Variants in NINL observed in about 807,000 individuals in gnomAD.
NINL encodes ninein like.
A neutral mutation model predicts 160.3 loss-of-function variants in NINL; 153 were observed. The ratio of observed to expected loss-of-function variants is 0.95; its 90% CI spans 0.84 to 1.09. The LOEUF (loss-of-function observed/expected upper bound fraction) is 1.09. NINL is among the 50% of genes least tolerant of loss of function. The pLI is 0.00. For missense variants in NINL, 1,829 were observed against 1,764.0 expected, an observed-to-expected ratio of 1.04 and a Z score of -0.66; for synonymous variants, 800 against 734.8, an observed-to-expected ratio of 1.09 and a Z score of -1.43.
intron 20 of NINL, 42 bp from the exon 21 acceptor site, chr20:25,461,677 A>C: frequency 7.7e-7 from 1 of 1,302,344 alleles, no homozygotes; most frequent in Non-Finnish European, 1.1e-6. Context: ...GAAGTATCTG[A>C]AGAGTCTGGT....
intron 8 of NINL, chr20:25,499,183 C>A: frequency 2.0e-6 from 2 of 985,386 alleles, no homozygotes; most frequent in Non-Finnish European, 2.4e-6. Flanking sequence ...TCCTGAGGAG[C>A]AATGGCATCT....
intron 2 of NINL, among the ~76,000 whole-genome samples, chr20:25,518,084 A>C (rs2064192926): frequency 6.6e-6 from 1 of 152,250 alleles, no homozygotes; most frequent in South Asian, 2.1e-4. Flanking sequence ...CAATTTTGTA[A>C]ATCAAACAAC....
At chr20:25,480,848 A>G (rs1182070881) in intron 14 of NINL, among the ~76,000 whole-genome samples, 1 of 152,176 alleles carries the variant, frequency 6.6e-6, no homozygotes, top group Non-Finnish European at 1.5e-5. Context: ...GTGGGACGTC[A>G]ATGGGGCTAC....
intron 10 of NINL, among the ~76,000 whole-genome samples, chr20:25,494,270 T>G (rs993333375): frequency 7.2e-6 from 1 of 139,292 alleles, no homozygotes; most frequent in Non-Finnish European, 1.5e-5. Flanking sequence ...ACCCCTCTAG[T>G]CCCGGAACAC....
intron 5 of NINL, among the ~76,000 whole-genome samples, chr20:25,507,337 G>A (rs548234179): frequency 6.6e-6 from 1 of 152,040 alleles, no homozygotes; most frequent in East Asian, 1.9e-4. Context: ...AGCGGGCTCA[G>A]GTGGTGGATG....
At chr20:25,522,168 A>G (rs903922299) in intron 2 of NINL, among the ~76,000 whole-genome samples, 1 of 152,220 alleles carries the variant, frequency 6.6e-6, no homozygotes, top group Non-Finnish European at 1.5e-5. Flanking sequence ...TTGGCCTACC[A>G]AAGTACTGGG....
intron 2 of NINL, 144 bp from the exon 3 acceptor site, chr20:25,517,993 C>T (rs568738803): frequency 1.9e-6 from 1 of 534,294 alleles, no homozygotes; most frequent in African/African-American, 2.0e-5. Flanking sequence ...CAAATATTTA[C>T]TTAAGATTTT....
chr20:25,453,265 T>G lies in NINL; in HGVS notation c.*186A>C. 1 of 485,664 alleles carries G rather than the reference T, an allele frequency of 2.1e-6. No individual in the cohort carries two copies. Among genetic ancestry groups the G allele is most frequent in the Non-Finnish European group, 3.5e-6 (1 of 286,996 alleles). 30.1% of individuals were successfully genotyped at this position (485,664 alleles called of 1,614,324 possible). A position where few individuals can be genotyped will look rare whatever the true frequency, so the allele number is the denominator to read the frequency against. On this transcript the variant is annotated 3_prime_UTR_variant, in exon 24 of 24. Transcript: ENST00000278886. ...AACGCCGGCTTCTGCAACATGCATA[T>G]TCCCCCAGCCCCCACCTCCATCTTG...
intron 1 of NINL, among the ~76,000 whole-genome samples, chr20:25,574,841 C>T (rs763154201): frequency 2.6e-5 from 4 of 152,004 alleles, no homozygotes; most frequent in Non-Finnish European, 4.4e-5. Context: ...TCCTAGGAGT[C>T]TTCTTTTTTC....
chr20:25,554,932 C>T (rs2064849991), intron 1 of NINL, among the ~76,000 whole-genome samples: 1 of 152,150 alleles, frequency 6.6e-6, no homozygotes, highest in Admixed American at 6.5e-5. Context: ...CTCCACGGGC[C>T]TGAATATCTT....
chr20:25,486,722 C>T (rs1037985724), intron 13 of NINL, among the ~76,000 whole-genome samples: 6 of 152,156 alleles, frequency 3.9e-5, no homozygotes, highest in African/African-American at 1.4e-4. Context: ...CCACTGAGAA[C>T]ACAAGCTTGG....
intron 1 of NINL, among the ~76,000 whole-genome samples, chr20:25,532,828 T>C (rs2064490592): frequency 6.6e-6 from 1 of 152,068 alleles, no homozygotes; most frequent in African/African-American, 2.4e-5. Flanking sequence ...GGAGGTACTG[T>C]CTCCTCCCAT....
chr20:25,464,314 G>A (rs2146351909), intron 19 of NINL, among the ~76,000 whole-genome samples: 1 of 152,310 alleles, frequency 6.6e-6, no homozygotes, highest in Non-Finnish European at 1.5e-5. Flanking sequence ...CTACTTGGGA[G>A]GCTGAGGCAG....
At chr20:25,495,747 A>G (rs1307697647) in intron 10 of NINL, among the ~76,000 whole-genome samples, 2 of 152,256 alleles carry the variant, frequency 1.3e-5, no homozygotes, top group Non-Finnish European at 2.9e-5. Flanking sequence ...AATGACGTAG[A>G]GAAGCCCCTC....
chr20:25,556,322 T>C (rs1419644412), intron 1 of NINL, among the ~76,000 whole-genome samples: 1 of 152,040 alleles, frequency 6.6e-6, no homozygotes, highest in Non-Finnish European at 1.5e-5. Flanking sequence ...CACAAAAAAC[T>C]TTTATCTATT....
chr20:25,500,931 C>A lies in NINL; in HGVS notation c.941G>T (p.Ser314Ile), dbSNP rs770976734. The change falls in exon 8 of 24, where the codon AGC (serine) becomes ATC (isoleucine). Residue 314 changes from serine to isoleucine, a missense_variant. Coordinates refer to ENST00000278886, the MANE Select transcript of NINL (RefSeq NM_025176.6). Reference sequence around the variant, plus strand: ...AGCGAAGCCAGAACCATCGTCAATGCTGGAGAAGAGGCGCAGGCTGGAGCA... The same window carrying A: ...AGCGAAGCCAGAACCATCGTCAATGATGGAGAAGAGGCGCAGGCTGGAGCA... Reference protein sequence around the residue: ...SLCSSLRLFSSIDDGSGFAFP... With the variant: ...SLCSSLRLFSIIDDGSGFAFP... The A allele has an allele frequency of 3.1e-6, 5 of 1,614,232 alleles. No homozygotes were observed. Among genetic ancestry groups the A allele is most frequent in the Non-Finnish European group, 4.2e-6 (5 of 1,180,044 alleles).
chr20:25,525,438 G>A (rs1366637810), intron 2 of NINL, among the ~76,000 whole-genome samples: 1 of 152,184 alleles, frequency 6.6e-6, no homozygotes, highest in Non-Finnish European at 1.5e-5. Context: ...GATTGCTAGA[G>A]CTCAGGCATT....
chr20:25,485,600 G>A (rs1339017821), intron 13 of NINL, among the ~76,000 whole-genome samples: 5 of 152,134 alleles, frequency 3.3e-5, no homozygotes, highest in Non-Finnish European at 7.4e-5. Flanking sequence ...ATTCATATTT[G>A]GAGAGAGTTT....
chr20:25,528,309 C>G lies in NINL; in HGVS notation c.-11-1711G>C, dbSNP rs145464870. Among the ~76,000 whole-genome samples the G allele has an allele frequency of 1.2e-4, 18 of 152,286 alleles. No homozygotes were observed. The East Asian group carries it at 3.5e-3, about 29-fold the overall frequency. On this transcript the variant is annotated intron_variant, in intron 1 of 23. Transcript: ENST00000278886. ...GCGGCCTCCCAAAGTGCTGGGATTA[C>G]AAGGTGTAAGCCACTGCACCCAGCC...
Sources: allele counts gnomAD v4.1 joint callset (sites outside exome capture counted in the v4.1 genomes callset), GRCh38; gene constraint gnomAD v4.1.1; transcripts MANE v1.5; gene names NCBI Gene and HGNC (gene_info 2026-07-23, HGNC 2026-07-21).